The following PHTF2 variants were observed in gnomAD, a reference collection of about 807,000 sequenced individuals.
PHTF2 encodes the protein putative homeodomain transcription factor 2.
A neutral mutation model predicts 101.2 loss-of-function variants in PHTF2; 60 were observed. The ratio of observed to expected loss-of-function variants is 0.59; its 90% CI spans 0.48 to 0.73. PHTF2 has a LOEUF of 0.73. PHTF2 is among the 30% of genes least tolerant of loss of function. The probability of loss-of-function intolerance (pLI) is 0.00; values close to 1 mark genes in which losing one functional copy is unlikely to be tolerated. For synonymous variants in PHTF2, 311 were observed against 307.3 expected (o/e 1.01, Z -0.13); for missense variants, 747 against 908.7 (o/e 0.82, Z 2.29).
chr7:77,862,575 T>A (rs981946585), intron 3 of PHTF2, among the ~76,000 whole-genome samples: 37 of 152,190 alleles, frequency 2.4e-4, no homozygotes, highest in African/African-American at 8.9e-4. Context: ...CAAGAAATGA[T>A]GCTATTTGAA....
chr7:77,886,839 T>C (rs528767177), intron 3 of PHTF2, among the ~76,000 whole-genome samples: 5 of 150,740 alleles, frequency 3.3e-5, no homozygotes, highest in Middle Eastern at 3.4e-3. Flanking sequence ...AGCCCAAGAG[T>C]TCAAGGCCAC....
exon 20 of PHTF2, chr7:77,955,842 A>G (rs1806960623): frequency 1.3e-5 from 2 of 152,352 alleles, no homozygotes; most frequent in South Asian, 4.1e-4. Flanking sequence ...CCAATAAAAT[A>G]TTTCTCTAAT....
intron 6 of PHTF2, among the ~76,000 whole-genome samples, 173 bp downstream of exon 5, chr7:77,900,953 A>G (rs1421491276): frequency 6.6e-6 from 1 of 152,262 alleles, no homozygotes; most frequent in African/African-American, 2.4e-5. Context: ...TGCAGGCTGT[A>G]CAGAAATCAC....
chr7:77,868,663 A>C (rs930885821), intron 3 of PHTF2, among the ~76,000 whole-genome samples: 12 of 152,158 alleles, frequency 7.9e-5, no homozygotes, highest in Admixed American at 2.6e-4. Context: ...ATTTCCACAA[A>C]TTGCTATTAT....
At chr7:77,950,309 C>G (rs1335654439) in intron 17 of PHTF2, among the ~76,000 whole-genome samples, 1 of 152,054 alleles carries the variant, frequency 6.6e-6, no homozygotes, top group African/African-American at 2.4e-5. Flanking sequence ...AATCAATAAA[C>G]CTGTCAAATG....
chr7:77,849,533 T>C (rs945201951), intron 2 of PHTF2, among the ~76,000 whole-genome samples: 16 of 152,196 alleles, frequency 1.1e-4, no homozygotes, highest in African/African-American at 3.4e-4. Context: ...AATGTCTGAC[T>C]ATTCTTGGTC....
chr7:77,947,668 C>T (rs542080009), intron 16 of PHTF2, among the ~76,000 whole-genome samples: 21 of 151,988 alleles, frequency 1.4e-4, no homozygotes, highest in African/African-American at 4.6e-4. Context: ...TTGTTGGAAT[C>T]CCTTGTAATT....
chr7:77,818,401 T>G (rs1584384263), intron 1 of PHTF2, among the ~76,000 whole-genome samples: 1 of 152,354 alleles, frequency 6.6e-6, no homozygotes, highest in East Asian at 1.9e-4. Flanking sequence ...GTTTTACATT[T>G]AGGTCTTTGA....
Position 77,896,796 on chromosome 7 carries a change from T to G in PHTF2, c.216+2803T>G, listed in dbSNP as rs183195157. The stretch of plus-strand genomic sequence containing the variant: ...AGAAAAAAACACTCTACCTGTTGTT[T>G]AGAGAACAGTGTACCAAATGTATTG... On this transcript the variant is annotated intron_variant, in intron 5 of 19. Coordinates refer to ENST00000416283, the Ensembl canonical transcript of PHTF2. Among the ~76,000 whole-genome samples the G allele has an allele frequency of 1.6e-4, 25 of 152,344 alleles. No individual in the cohort carries two copies. In the East Asian group the frequency reaches 3.5e-3, roughly 21 times the overall value.
At chr7:77,846,580 TCCCCTC>T (rs1796307782) in intron 2 of PHTF2, among the ~76,000 whole-genome samples, 1 of 32,368 alleles carries the variant, frequency 3.1e-5, no homozygotes, top group African/African-American at 1.2e-4. Context: ...TCCCCTCGCC[TCCCCTC>T]GCCTCCCCTC....
chr7:77,894,533 A>G (rs554498786), intron 5 of PHTF2, among the ~76,000 whole-genome samples: 4 of 152,318 alleles, frequency 2.6e-5, no homozygotes, highest in South Asian at 2.1e-4. Context: ...ATTCTTTCCC[A>G]TTTGGCAATT....
intron 2 of PHTF2, among the ~76,000 whole-genome samples, chr7:77,848,344 A>G (rs1796473047): frequency 6.6e-6 from 1 of 152,080 alleles, no homozygotes; most frequent in African/African-American, 2.4e-5. Context: ...AGGGATTCCC[A>G]TTTCTCCACA....
chr7:77,827,394 A>T (rs1384467238), intron 1 of PHTF2, among the ~76,000 whole-genome samples: 1 of 152,100 alleles, frequency 6.6e-6, no homozygotes, highest in South Asian at 2.1e-4. Context: ...TCACTCTGTC[A>T]CCCAGGCTAG....
chr7:77,802,208 T>C (rs1792615004), intron 1 of PHTF2, among the ~76,000 whole-genome samples: 2 of 152,190 alleles, frequency 1.3e-5, no homozygotes, highest in Admixed American at 1.3e-4. Context: ...AAAATGTATG[T>C]GTGAAGGCCA....
intron 16 of PHTF2, among the ~76,000 whole-genome samples, chr7:77,945,826 A>G (rs995999158): frequency 2.6e-5 from 4 of 152,210 alleles, no homozygotes. Flanking sequence ...TTAAAATTTT[A>G]GTAGTTTAAA....
At chr7:77,914,292 T>G (rs527939875) in intron 9 of PHTF2, among the ~76,000 whole-genome samples, 5 of 152,050 alleles carry the variant, frequency 3.3e-5, no homozygotes, top group African/African-American at 1.2e-4. Context: ...GGCTTCACAT[T>G]TCGATTGGGT....
In PHTF2 at chr7:77,844,855, T is replaced by C. The variant is rs759020845; in HGVS notation, c.45+4555T>C. 3.9e-4 allele frequency among the ~76,000 whole-genome samples: 60 copies of C among 152,380 alleles called. 1 individual carries two copies. Among genetic ancestry groups the C allele is most frequent in the Admixed American group, 2.6e-4 (4 of 15,310 alleles). On this transcript the variant is annotated intron_variant, in intron 2 of 19. Coordinates refer to ENST00000416283, the Ensembl canonical transcript of PHTF2. ...AAATTATTCTATGCATGGTTTATTT[T>C]GACATTTTAAAAGTCCTTTAATATC...
intron 11 of PHTF2, among the ~76,000 whole-genome samples, chr7:77,927,934 G>A (rs1458924003): frequency 4.6e-5 from 7 of 152,236 alleles, no homozygotes; most frequent in South Asian, 2.1e-4. Context: ...TGAAGGAATC[G>A]GAACTTTATC....
intron 3 of PHTF2, among the ~76,000 whole-genome samples, chr7:77,883,196 G>A (rs187299805): frequency 1.3e-5 from 2 of 152,190 alleles, no homozygotes; most frequent in East Asian, 3.9e-4. Context: ...AAAGGATTGA[G>A]AACTTTACTT....
Sources: allele counts gnomAD v4.1 joint callset (sites outside exome capture counted in the v4.1 genomes callset), GRCh38; gene constraint gnomAD v4.1.1; transcripts MANE v1.5; gene names NCBI Gene and HGNC (gene_info 2026-07-23, HGNC 2026-07-21).